Variants in ZRANB3 observed in about 807,000 individuals in gnomAD.
ZRANB3 encodes the protein DNA annealing helicase and endonuclease ZRANB3.
Under a neutral mutation model 133.8 loss-of-function variants are expected in ZRANB3, and 125 were observed. The ratio of observed to expected loss-of-function variants is 0.93; its 90% CI spans 0.81 to 1.08. ZRANB3 has a LOEUF of 1.08. Ranked by LOEUF, ZRANB3 falls within the 50% of genes least tolerant of loss-of-function variation. The pLI is 0.00. For missense variants in ZRANB3, 1,229 were observed against 1,275.5 expected (o/e 0.96, Z 0.56); for synonymous variants, 387 against 432.7 (o/e 0.89, Z 1.31).
At chr2:135,236,138 C>A (rs1221847611) in intron 12 of ZRANB3, among the ~76,000 whole-genome samples, 2 of 152,114 alleles carry the variant, frequency 1.3e-5, no homozygotes, top group African/African-American at 2.4e-5. Context: ...TTCTTATACA[C>A]CATCAACAGA....
intron 6 of ZRANB3, among the ~76,000 whole-genome samples, chr2:135,317,621 C>T (rs1027493497): frequency 6.6e-6 from 1 of 152,170 alleles, no homozygotes; most frequent in South Asian, 2.1e-4. Flanking sequence ...CAGTTGTACT[C>T]CCAAAATGCA....
At chr2:135,466,156 G>A (rs1452074452) in intron 2 of ZRANB3, among the ~76,000 whole-genome samples, 1 of 152,148 alleles carries the variant, frequency 6.6e-6, no homozygotes, top group African/African-American at 2.4e-5. Context: ...GCTGAGGCAG[G>A]CAGATCACCT....
chr2:135,353,025 GTC>G (rs1685277809), intron 4 of ZRANB3, among the ~76,000 whole-genome samples: 2 of 152,032 alleles, frequency 1.3e-5, no homozygotes, highest in South Asian at 4.1e-4. Context: ...TTACTAATGA[GTC>G]ACACACAAAA....
rs1382176031 is a variant in ZRANB3 at position 135,425,068 on chromosome 2, A to AG, written c.162-34249_162-34248insC. On this transcript the variant is annotated intron_variant, in intron 2 of 20. Coordinates refer to ENST00000264159, the MANE Select transcript of ZRANB3 (RefSeq NM_032143.4). The stretch of plus-strand genomic sequence containing the variant: ...GGGAGCAATGCCTACAAATTCTGAG[A>AG]AAAAAAAATTTATAGGCCAGGATTA... 2.6e-5 allele frequency among the ~76,000 whole-genome samples: 4 copies of AG among 151,820 alleles called. No individual in the cohort carries two copies. The East Asian group carries it at 5.8e-4, about 22-fold the overall frequency.
In ZRANB3 at chr2:135,230,575, G is replaced by A. The variant is rs756757933; in HGVS notation, c.1892C>T (p.Thr631Ile). 4.2e-5 allele frequency: 67 copies of A among 1,595,216 alleles called. 1 individual carries two copies. Among genetic ancestry groups the A allele is most frequent in the South Asian group, 4.1e-4 (35 of 86,290 alleles). The change falls in exon 13 of 21, where the codon ACC becomes ATC. Residue 631 changes from threonine to isoleucine, a missense_variant. Transcript: ENST00000264159. The stretch of plus-strand genomic sequence containing the variant: ...AGGTAACTCTGAATTATTGATATAG[G>A]TGCAGAGACTACATTGCCAGCCCTC... ...PVEGWQCSLC[T>I]YINNSELPYC...
chr2:135,208,717 G>T, intron 18 of ZRANB3, 151 bp downstream of exon 18: 1 of 609,758 alleles, frequency 1.6e-6, no homozygotes, highest in Non-Finnish European at 2.9e-6. Flanking sequence ...TCAACAGGTT[G>T]CTAGGACAAC....
chr2:135,262,159 C>CAGAAAAAAA (rs1679997281), intron 12 of ZRANB3, among the ~76,000 whole-genome samples: 1 of 63,968 alleles, frequency 1.6e-5, no homozygotes, highest in African/African-American at 4.9e-5. Flanking sequence ...ACTCCATCTC[C>CAGAAAAAAA]AAAAAAAAAA....
intron 2 of ZRANB3, among the ~76,000 whole-genome samples, chr2:135,464,773 T>C (rs1217348208): frequency 7.9e-5 from 12 of 152,232 alleles, no homozygotes; most frequent in African/African-American, 1.9e-4. Flanking sequence ...ATGCCAATCA[T>C]CTGACTGCTG....
intron 12 of ZRANB3, among the ~76,000 whole-genome samples, chr2:135,233,530 G>A (rs1478053742): frequency 6.6e-6 from 1 of 152,188 alleles, no homozygotes; most frequent in Non-Finnish European, 1.5e-5. Flanking sequence ...AAAATGTTAA[G>A]GGCAGCCAGA....
At chr2:135,214,019 C>T (rs1365768471) in intron 17 of ZRANB3, among the ~76,000 whole-genome samples, 1 of 152,116 alleles carries the variant, frequency 6.6e-6, no homozygotes, top group Non-Finnish European at 1.5e-5. Flanking sequence ...CCTACAACTG[C>T]AAGGAACTGA....
rs111819014 is a variant in ZRANB3 at position 135,266,171 on chromosome 2, C to T, written c.1387-485G>A. On this transcript the variant is annotated intron_variant, in intron 11 of 20. Transcript: ENST00000264159. ...TTGCAGTGAGCTGAGATCCTGCCAC[C>T]GCACTCCTGTGTGACACAGTGAGAC... Among the ~76,000 whole-genome samples, 455 of 152,068 alleles carry T rather than the reference C, an allele frequency of 3.0e-3. 3 individuals carry two copies. Among genetic ancestry groups the T allele is most frequent in the African/African-American group, 0.01 (424 of 41,490 alleles).
chr2:135,478,319 A>T (rs1051365121), intron 2 of ZRANB3, among the ~76,000 whole-genome samples: 2 of 152,084 alleles, frequency 1.3e-5, no homozygotes, highest in African/African-American at 4.8e-5. Context: ...AAAATTCAAA[A>T]ATTTTCATAA....
At chr2:135,483,841 CT>C (rs1343216422) in intron 2 of ZRANB3, among the ~76,000 whole-genome samples, 1 of 152,156 alleles carries the variant, frequency 6.6e-6, no homozygotes, top group Non-Finnish European at 1.5e-5. Flanking sequence ...CAAAGAATAT[CT>C]TTATTTCTGC....
chr2:135,269,026 T>C lies in ZRANB3; in HGVS notation c.1322A>G (p.Asn441Ser), dbSNP rs574479267. The C allele has an allele frequency of 6.2e-7, 1 of 1,612,888 alleles. No individual in the cohort carries two copies. Among genetic ancestry groups the C allele is most frequent in the East Asian group, 2.2e-5 (1 of 44,742 alleles). ...AHRIGQCSSVNIHYLIANGTL... is the reference protein window; with the variant it reads ...AHRIGQCSSVSIHYLIANGTL... ...TCCATTTGCAATAAGGTAGTGAATATTCACAGAACTGCACTGGCCAATTCT... is the reference window on the plus strand; with the variant it reads ...TCCATTTGCAATAAGGTAGTGAATACTCACAGAACTGCACTGGCCAATTCT... The change falls in exon 11 of 21, where the codon AAT becomes AGT. Residue 441 changes from asparagine to serine, a missense_variant. By Grantham distance (46) the Asn-to-Ser change is conservative. Transcript: ENST00000264159.
rs564039843 is a variant in ZRANB3, at chr2:135,208,937, T to C, written c.2537A>G (p.Lys846Arg). The change falls in exon 18 of 21, where the codon AAA becomes AGA. Residue 846 changes from lysine to arginine, a missense_variant. Coordinates refer to ENST00000264159, the MANE Select transcript of ZRANB3 (RefSeq NM_032143.4). ...KEDVAVASMDKVKNVGGHVRL... is the reference protein window; with the variant it reads ...KEDVAVASMDRVKNVGGHVRL... ...GACATGGCCCCCAACATTCTTCACT[T>C]TGTCCATTGAGGCTACGGCAACATC... 3 of 1,613,966 alleles carry C rather than the reference T, an allele frequency of 1.9e-6. No individual in the cohort carries two copies. The highest frequency in any genetic ancestry group is 1.3e-5 in the African/African-American group (1 of 75,038).
chr2:135,422,018 A>C (rs918594343), intron 2 of ZRANB3, among the ~76,000 whole-genome samples: 8 of 151,268 alleles, frequency 5.3e-5, no homozygotes, highest in African/African-American at 1.9e-4. Flanking sequence ...ATCTTCATGC[A>C]TAGCTTCTTA....
intron 6 of ZRANB3, among the ~76,000 whole-genome samples, chr2:135,323,676 C>A (rs564794744): frequency 1.1e-3 from 173 of 151,462 alleles, no homozygotes; most frequent in African/African-American, 3.4e-3. Flanking sequence ...AAAATTGATT[C>A]AAAAAAAACA....
At chr2:135,516,545 T>C (rs1420896040) in intron 1 of ZRANB3, among the ~76,000 whole-genome samples, 3 of 152,224 alleles carry the variant, frequency 2.0e-5, no homozygotes, top group Non-Finnish European at 2.9e-5. Context: ...TGGCTGGATA[T>C]GAAATTCTGG....
chr2:135,328,081 TA>T (rs1425359519), intron 6 of ZRANB3, among the ~76,000 whole-genome samples: 5 of 152,088 alleles, frequency 3.3e-5, no homozygotes, highest in African/African-American at 1.2e-4. Context: ...TTATTATTAT[TA>T]TACTTTAAGT....
Sources: gnomAD v4.1 joint callset for allele counts (sites outside exome capture counted in the v4.1 genomes callset) on GRCh38, gnomAD v4.1.1 for gene constraint, MANE v1.5 for transcripts, NCBI Gene and HGNC (gene_info 2026-07-23, HGNC 2026-07-21) for gene names.